IRAG2: variants seen among roughly 807,000 people sequenced by gnomAD.
IRAG2 encodes inositol 1,4,5-triphosphate receptor associated 2.
Under a neutral mutation model 69.9 loss-of-function variants are expected in IRAG2, and 45 were observed. The ratio of observed to expected loss-of-function variants is 0.64; its 90% CI spans 0.51 to 0.83. The LOEUF (loss-of-function observed/expected upper bound fraction) is 0.83. Among genes scored for constraint, IRAG2 ranks in the 40% least tolerant of loss-of-function variants. IRAG2 has a pLI of 0.00. For synonymous variants in IRAG2, 193 were observed against 202.4 expected (o/e 0.95, Z 0.40); for missense variants, 520 against 587.0 (o/e 0.89, Z 1.18).
At chr12:25,019,024 G>A (rs1018942584) in intron 6 of IRAG2, among the ~76,000 whole-genome samples, 1 of 152,142 alleles carries the variant, frequency 6.6e-6, no homozygotes, top group Non-Finnish European at 1.5e-5. Flanking sequence ...ACTTGCAACC[G>A]GGATGGCTTG....
chr12:25,004,948 A>G, intron 1 of IRAG2: 1 of 1,180,082 alleles, frequency 8.5e-7, no homozygotes. Flanking sequence ...TTGTCCTTCC[A>G]ATAGAGCAAT....
At chr12:25,064,143 A>AATAAGT (rs1183778263) in intron 4 of IRAG2, among the ~76,000 whole-genome samples, 1 of 152,182 alleles carries the variant, frequency 6.6e-6, no homozygotes, top group African/African-American at 2.4e-5. Context: ...AACAAAAAAG[A>AATAAGT]ATAAGTCCTA....
exon 1 of IRAG2, chr12:25,004,485 C>T (rs943609946): frequency 1.6e-6 from 2 of 1,232,124 alleles, no homozygotes; most frequent in Admixed American, 4.2e-5. Flanking sequence ...GTTTTGATAG[C>T]CCACAGACGA....
At chr12:25,054,621 C>T (rs1185204976) in intron 1 of IRAG2, among the ~76,000 whole-genome samples, 1 of 152,252 alleles carries the variant, frequency 6.6e-6, no homozygotes, top group South Asian at 2.1e-4. Flanking sequence ...TGGGTTGATA[C>T]GTGTATTTTT....
intron 16 of IRAG2, among the ~76,000 whole-genome samples, chr12:25,043,624 A>G (rs1944768426): frequency 6.6e-6 from 1 of 151,872 alleles, no homozygotes; most frequent in South Asian, 2.1e-4. Flanking sequence ...GAGTACTATG[A>G]GATGCATCAT....
chr12:25,079,639 G>A lies in IRAG2; in HGVS notation c.137-17G>A. The A allele has an allele frequency of 6.6e-7, 1 of 1,504,596 alleles. No individual in the cohort carries two copies. Among genetic ancestry groups the A allele is most frequent in the Non-Finnish European group, 9.3e-7 (1 of 1,080,326 alleles). The allele number at this position is 1,504,596 out of a possible 1,614,324, so 93.2% of individuals were successfully genotyped here. The stretch of plus-strand genomic sequence containing the variant: ...TATGTGCATAGTATTCGCACCATTT[G>A]TTTCTCCTGTTGACAGATCCTGGAT... On this transcript the variant is annotated splice_polypyrimidine_tract_variant and intron_variant, in intron 8 of 21. Transcript: ENST00000556887.
At chr12:25,007,864 A>G (rs749986009) in intron 2 of IRAG2, among the ~76,000 whole-genome samples, 15 of 152,164 alleles carry the variant, frequency 9.9e-5, no homozygotes, top group Non-Finnish European at 1.9e-4. Context: ...AAATTTGGTG[A>G]TTGTGTATCT....
In IRAG2 at chr12:25,055,239, T is replaced by A. The variant is rs895623621; in HGVS notation, c.-447+2283T>A. ...CAGAAATCCTGAACTTTATCTTGAA[T>A]AAATGATATTGTTCAAGTTTTCAAT... is the stretch of plus-strand genomic sequence containing the variant. On this transcript the variant is annotated intron_variant, in intron 1 of 21. Transcript: ENST00000556887. 5.3e-5 allele frequency among the ~76,000 whole-genome samples: 8 copies of A among 152,260 alleles called. No individual in the cohort carries two copies. In the East Asian group the frequency reaches 9.6e-4, roughly 18 times the overall value.
At chr12:25,038,607 C>G (rs11047777) in intron 16 of IRAG2, among the ~76,000 whole-genome samples, 9,682 of 148,888 alleles carry the variant, frequency 0.065, 331 homozygotes, top group African/African-American at 0.089. Context: ...CACTACTGCA[C>G]TCCAGCCTGG....
At chr12:25,024,019 C>T (rs1023455417) in intron 8 of IRAG2, 1 of 573,864 alleles carries the variant, frequency 1.7e-6, no homozygotes, top group Non-Finnish European at 2.6e-6. Flanking sequence ...TAAATATAGC[C>T]TCCTATAGGC....
At chr12:25,043,310 A>G (rs1050433613) in intron 16 of IRAG2, among the ~76,000 whole-genome samples, 1 of 152,168 alleles carries the variant, frequency 6.6e-6, no homozygotes, top group African/African-American at 2.4e-5. Flanking sequence ...GAGGAGAATC[A>G]AACCACATGT....
chr12:25,099,519 G>C (rs1428853008), intron 15 of IRAG2, among the ~76,000 whole-genome samples: 1 of 152,116 alleles, frequency 6.6e-6, no homozygotes, highest in African/African-American at 2.4e-5. Context: ...GTTTTGTCCA[G>C]ATTAATGCAA....
chr12:25,101,191 G>A lies in IRAG2; in HGVS notation c.755G>A (p.Ser252Asn). The A allele has an allele frequency of 6.2e-7, 1 of 1,602,570 alleles. No individual in the cohort carries two copies. The highest frequency in any genetic ancestry group is 8.5e-7 in the Non-Finnish European group (1 of 1,174,030). Residue 252 changes from serine to asparagine, a missense_variant, in exon 16 of 22, where the codon AGT becomes AAT. Transcript: ENST00000556887. ...TTCTCTTGCTAGGAAAGCCGGGTTA[G>A]TAAAGCAGTTGAAGTGATGATTCAG... ...LGAINQESRVSKAVEVMIQHV... is the reference protein window; with the variant it reads ...LGAINQESRVNKAVEVMIQHV...
chr12:25,093,275 T>A (rs1948196134), intron 14 of IRAG2: 1 of 153,834 alleles, frequency 6.5e-6, no homozygotes, highest in Non-Finnish European at 1.5e-5. Context: ...CCATAAGATA[T>A]ATTCCCTTTT....
intron 14 of IRAG2, chr12:25,090,841 T>C: frequency 2.2e-6 from 1 of 454,660 alleles, no homozygotes; most frequent in Non-Finnish European, 4.4e-6. Context: ...TACAGAAAAC[T>C]GAGCAATAGG....
chr12:25,031,775 G>C (rs1944669540), intron 10 of IRAG2, among the ~76,000 whole-genome samples: 1 of 152,106 alleles, frequency 6.6e-6, no homozygotes, highest in Non-Finnish European at 1.5e-5. Context: ...TGATTCTCCT[G>C]CCTCAGCCTC....
chr12:25,107,979 G>A lies in IRAG2; in HGVS notation c.1419G>A (p.Gln473=). The A allele has an allele frequency of 1.2e-6, 2 of 1,614,164 alleles. No individual in the cohort carries two copies. The highest frequency in any genetic ancestry group is 4.5e-5 in the East Asian group (2 of 44,886). ...FQKSVDAAPT[Q]QEDSWTSLEH... is the part of the protein sequence containing the mutation. ...AGTCTGTGGATGCCGCTCCCACACA[G>A]CAAGAGGACTCATGGACGTCTCTAG... Residue 473 remains glutamine, a synonymous_variant, in exon 22 of 22, where the codon CAG becomes CAA. Coordinates refer to ENST00000556887, the MANE Select transcript of IRAG2 (RefSeq NM_001366544.2).
At position 25,104,038 on chromosome 12, in the gene IRAG2, C is replaced by G; in HGVS notation, c.1026C>G (p.Phe342Leu). 1.2e-6 allele frequency: 2 copies of G among 1,613,360 alleles called. No individual in the cohort carries two copies. Among genetic ancestry groups the G allele is most frequent in the South Asian group, 2.2e-5 (2 of 91,014 alleles). ...MVAGMENNDRFSRRSSSWRIL... is the reference protein window; with the variant it reads ...MVAGMENNDRLSRRSSSWRIL... ...CTGGGATGGAAAATAATGATCGATT[C>G]AGTAGAAGGTCAAGCAGTTGGTAAG... Residue 342 changes from phenylalanine to leucine, a missense_variant, in exon 19 of 22, where the codon TTC becomes TTG. By Grantham distance (22) the Phe-to-Leu change is conservative (BLOSUM62 0). Coordinates refer to ENST00000556887, the MANE Select transcript of IRAG2 (RefSeq NM_001366544.2).
At chr12:25,068,756 C>A (rs1946146154) in intron 5 of IRAG2, among the ~76,000 whole-genome samples, 1 of 152,212 alleles carries the variant, frequency 6.6e-6, no homozygotes, top group African/African-American at 2.4e-5. Flanking sequence ...TATCAGGAAC[C>A]AGGATCAGAG....
Sources: gnomAD v4.1 joint callset for allele counts (sites outside exome capture counted in the v4.1 genomes callset) on GRCh38, gnomAD v4.1.1 for gene constraint, MANE v1.5 for transcripts, NCBI Gene and HGNC (gene_info 2026-07-23, HGNC 2026-07-21) for gene names.